The following WHRN variants were observed in gnomAD, a reference collection of about 807,000 sequenced individuals.
WHRN encodes the protein whirlin.
A neutral mutation model predicts 68.3 loss-of-function variants in WHRN; 41 were observed. The observed-to-expected ratio is 0.60, with a 90% CI of 0.47 to 0.78. WHRN has a LOEUF of 0.78. Ranked by LOEUF, WHRN falls within the 30% of genes least tolerant of loss-of-function variation. The probability of loss-of-function intolerance (pLI) is 0.00; values close to 1 mark genes in which losing one functional copy is unlikely to be tolerated. For synonymous variants in WHRN, 560 were observed against 561.3 expected (o/e 1.00, Z 0.03); for missense variants, 1,243 against 1,244.7 (o/e 1.00, Z 0.02).
chr9:114,405,208 G>A (rs1397224930), intron 9 of WHRN, among the ~76,000 whole-genome samples: 2 of 151,484 alleles, frequency 1.3e-5, no homozygotes, highest in African/African-American at 4.9e-5. Flanking sequence ...CTGAGTAGCT[G>A]GGACTACAGG....
chr9:114,459,690 G>C (rs2132851946), intron 3 of WHRN, among the ~76,000 whole-genome samples: 1 of 152,284 alleles, frequency 6.6e-6, no homozygotes, highest in South Asian at 2.1e-4. Flanking sequence ...GCAAAGTCCA[G>C]CACCCGTGAT....
chr9:114,421,021 T>C (rs746313213), intron 7 of WHRN, among the ~76,000 whole-genome samples: 2 of 152,056 alleles, frequency 1.3e-5, no homozygotes, highest in Non-Finnish European at 2.9e-5. Context: ...AATCCTGACA[T>C]GCATGTGCCA....
rs116320508 is a variant in WHRN at position 114,407,070 on chromosome 9, C to T, written c.1699-178G>A. Among the ~76,000 whole-genome samples, 1,999 of 152,292 alleles carry T rather than the reference C, an allele frequency of 0.013. 40 individuals carry two copies. The highest frequency in any genetic ancestry group is 0.045 in the African/African-American group (1,883 of 41,558). On this transcript the variant is annotated intron_variant, in intron 8 of 11. Transcript: ENST00000362057. ...AGTGGAAAACTTCTCCCCTGCATCT[C>T]GGCAGCTGATAAGCGTTGGGATCTT...
At chr9:114,435,049 C>T (rs1273822700) in intron 3 of WHRN, among the ~76,000 whole-genome samples, 1 of 152,166 alleles carries the variant, frequency 6.6e-6, no homozygotes, top group African/African-American at 2.4e-5. Flanking sequence ...TGGATAACAC[C>T]TACTGAACGT....
chr9:114,421,438 C>G (rs1589099119), intron 7 of WHRN, among the ~76,000 whole-genome samples: 1 of 152,214 alleles, frequency 6.6e-6, no homozygotes, highest in South Asian at 2.1e-4. Context: ...GAAGTCAGAG[C>G]CAGCAAGGAC....
Position 114,407,949 on chromosome 9 carries a change from C to G in WHRN, c.1696G>C (p.Val566Leu), listed in dbSNP as rs189654215. 1.4e-5 allele frequency: 23 copies of G among 1,599,926 alleles called. No individual in the cohort carries two copies. The African/African-American group carries it at 2.9e-4, about 20-fold the overall frequency. Residue 566 changes from valine (V) to leucine (L), a missense_variant and splice_region_variant, in exon 8 of 12, where the codon GTG becomes CTG. Physicochemically the swap from Val to Leu is conservative, Grantham distance 32 (BLOSUM62 1). Coordinates refer to ENST00000362057, the MANE Select transcript of WHRN (RefSeq NM_015404.4). The stretch of plus-strand genomic sequence containing the variant: ...CAAAGGGCCAGCCAGGGCCTTACCA[C>G]GGACACATCTGGGAGGGCGTTGATA... The part of the protein sequence containing the change: ...GNINALPDVS[V>L]DDVRSTSQGL...
intron 1 of WHRN, among the ~76,000 whole-genome samples, chr9:114,493,380 G>T (rs375640874): frequency 3.7e-5 from 4 of 107,822 alleles, no homozygotes; most frequent in African/African-American, 1.0e-4. Context: ...AAGTGGGGGT[G>T]GGGGGGTGGG....
chr9:114,497,149 G>C (rs1310425107), intron 1 of WHRN, among the ~76,000 whole-genome samples: 1 of 152,188 alleles, frequency 6.6e-6, no homozygotes, highest in African/African-American at 2.4e-5. Context: ...CTTCCCTGCA[G>C]CCTACAGCTT....
chr9:114,406,563 G>A lies in WHRN; in HGVS notation c.2028C>T (p.Pro676=), dbSNP rs764816225. Residue 676 remains proline, a synonymous_variant, in exon 9 of 12, where the codon CCC becomes CCT. Coordinates refer to ENST00000362057, the MANE Select transcript of WHRN (RefSeq NM_015404.4). ...DAHLALVNQH[P]IGPFPRVQSP... ...ACTGGACCCGTGGGAAGGGGCCGAT[G>A]GGGTGTTGGTTGACCAGGGCCAGAT... 6.2e-7 allele frequency: 1 copy of A among 1,612,272 alleles called. No homozygotes were observed. Among genetic ancestry groups the A allele is most frequent in the Non-Finnish European group, 8.5e-7 (1 of 1,178,822 alleles).
intron 2 of WHRN, among the ~76,000 whole-genome samples, chr9:114,475,994 TCA>T: frequency 6.6e-6 from 1 of 152,220 alleles, no homozygotes; most frequent in East Asian, 1.9e-4. Context: ...AGACAGGAGC[TCA>T]CTCTGTTGCT....
At chr9:114,450,823 G>GA (rs371300890) in intron 3 of WHRN, among the ~76,000 whole-genome samples, 10,594 of 142,270 alleles carry the variant, frequency 0.074, 453 homozygotes, top group Non-Finnish European at 0.097. Flanking sequence ...ATTATTATTA[G>GA]TTTCCCCCCC....
intron 1 of WHRN, among the ~76,000 whole-genome samples, chr9:114,494,884 T>C (rs1843313749): frequency 1.3e-5 from 2 of 151,674 alleles, no homozygotes; most frequent in Non-Finnish European, 2.9e-5. Context: ...CACCAAGAAA[T>C]GCATTATCTG....
At chr9:114,486,981 AT>A (rs1385335179) in intron 1 of WHRN, among the ~76,000 whole-genome samples, 5 of 3,320 alleles carry the variant, frequency 1.5e-3, no homozygotes, top group African/African-American at 1.9e-3. Context: ...ATATATATAT[AT>A]ATATATATAT....
intron 3 of WHRN, among the ~76,000 whole-genome samples, chr9:114,430,201 A>AG (rs1837289779): frequency 6.6e-6 from 1 of 152,158 alleles, no homozygotes. Context: ...GAGGGCAGTG[A>AG]GGGGAGGGAA....
chr9:114,425,811 C>A, intron 4 of WHRN: 1 of 308,356 alleles, frequency 3.2e-6, no homozygotes, highest in Non-Finnish European at 6.3e-6. Flanking sequence ...CAGATTTCTT[C>A]ATGGGATCCA....
rs532511841 is a variant in WHRN at position 114,488,248 on chromosome 9, G to A, written c.619-9477C>T. ...TCATGTAAACTGAATGAGGGCCAATGAGAAAATGTGCATAAAGCATCTTGC... is the reference window on the plus strand; with the variant it reads ...TCATGTAAACTGAATGAGGGCCAATAAGAAAATGTGCATAAAGCATCTTGC... On this transcript the variant is annotated intron_variant, in intron 1 of 11. Coordinates refer to ENST00000362057, the MANE Select transcript of WHRN (RefSeq NM_015404.4). Among the ~76,000 whole-genome samples, 44 of 152,314 alleles carry A rather than the reference G, an allele frequency of 2.9e-4. 1 individual carries two copies. The highest frequency in any genetic ancestry group is 1.1e-3 in the African/African-American group (44 of 41,568).
chr9:114,414,208 C>G (rs2132268868), intron 7 of WHRN, among the ~76,000 whole-genome samples: 1 of 152,326 alleles, frequency 6.6e-6, no homozygotes, highest in Middle Eastern at 3.4e-3. Context: ...CACATTCCAG[C>G]TGCTACAGAT....
intron 2 of WHRN, among the ~76,000 whole-genome samples, chr9:114,469,224 T>A (rs920343746): frequency 2.6e-5 from 4 of 152,204 alleles, no homozygotes; most frequent in Non-Finnish European, 5.9e-5. Context: ...AGGTGTGGCC[T>A]TCCTCAGGGG....
At chr9:114,403,436 G>A in intron 10 of WHRN, 97 bp from the exon 11 acceptor site, 5 of 1,524,744 alleles carry the variant, frequency 3.3e-6, no homozygotes, top group Non-Finnish European at 4.5e-6. Context: ...GGTCAGCAGA[G>A]CTCAGGCTCC....
Sources: gnomAD v4.1 joint callset for allele counts (sites outside exome capture counted in the v4.1 genomes callset) on GRCh38, gnomAD v4.1.1 for gene constraint, MANE v1.5 for transcripts, NCBI Gene and HGNC (gene_info 2026-07-23, HGNC 2026-07-21) for gene names.